The following PDGFRL variants were observed in gnomAD, a reference collection of about 807,000 sequenced individuals.
The protein encoded by PDGFRL is platelet derived growth factor receptor like, also known as platelet-derived growth factor receptor-like protein.
Under a neutral mutation model 37.2 loss-of-function variants are expected in PDGFRL, and 46 were observed. The ratio of observed to expected loss-of-function variants is 1.24; its 90% CI spans 0.98 to 1.58. The LOEUF (loss-of-function observed/expected upper bound fraction) is 1.58. Among genes scored for constraint, PDGFRL ranks in the 40% most tolerant of loss-of-function variants. PDGFRL has a pLI of 0.00. For synonymous variants in PDGFRL, 251 were observed against 184.3 expected, an observed-to-expected ratio of 1.36 and a Z score of -2.93; for missense variants, 692 against 467.6, an observed-to-expected ratio of 1.48 and a Z score of -4.43.
rs138467783 is a variant in PDGFRL at position 17,597,071 on chromosome 8, C to T, written c.353+7306C>T. On this transcript the variant is annotated intron_variant, in intron 2 of 5. Coordinates refer to ENST00000251630, the MANE Select transcript of PDGFRL (RefSeq NM_001372073.1). The stretch of plus-strand genomic sequence containing the variant: ...AGTCTTGCTCTGTCGCCTAGGTTGG[C>T]GTGCAGTGGCACGATCTCAGCTCAC... 7.6e-3 allele frequency among the ~76,000 whole-genome samples: 1,163 copies of T among 152,188 alleles called. 19 individuals carry two copies. Among genetic ancestry groups the T allele is most frequent in the African/African-American group, 0.027 (1,104 of 41,518 alleles).
chr8:17,636,036 G>A (rs1804964295), intron 5 of PDGFRL, among the ~76,000 whole-genome samples: 1 of 152,158 alleles, frequency 6.6e-6, no homozygotes, highest in South Asian at 2.1e-4. Flanking sequence ...CAGATGTATG[G>A]ATTGCAAAAA....
intron 5 of PDGFRL, 34 bp downstream of exon 5, chr8:17,634,247 C>A: frequency 6.4e-7 from 1 of 1,555,166 alleles, no homozygotes; most frequent in Non-Finnish European, 8.8e-7. Flanking sequence ...GCCCCTGCGT[C>A]TCAGCCTCTG....
At chr8:17,595,172 A>G (rs78540278) in intron 2 of PDGFRL, among the ~76,000 whole-genome samples, 4 of 152,120 alleles carry the variant, frequency 2.6e-5, no homozygotes, top group Non-Finnish European at 5.9e-5. Context: ...AAGGCCCCCC[A>G]TTAAGGGACT....
At chr8:17,606,603 G>C (rs118053377) in intron 2 of PDGFRL, among the ~76,000 whole-genome samples, 2,522 of 152,312 alleles carry the variant, frequency 0.017, 31 homozygotes, top group Non-Finnish European at 0.028. Flanking sequence ...CCCAGAGATG[G>C]GTGGGTGGAG....
chr8:17,577,215 C>A, upstream of PDGFRL: 1 of 1,600,780 alleles, frequency 6.2e-7, no homozygotes. Context: ...CCCGCGCAGC[C>A]GCCGCGCTCC....
At chr8:17,599,378 C>T (rs569533759) in intron 2 of PDGFRL, among the ~76,000 whole-genome samples, 1 of 152,302 alleles carries the variant, frequency 6.6e-6, no homozygotes, top group East Asian at 1.9e-4. Flanking sequence ...TCCCACATAT[C>T]GGTGAGAACT....
intron 3 of PDGFRL, among the ~76,000 whole-genome samples, chr8:17,626,664 T>A (rs1489998995): frequency 6.6e-6 from 1 of 152,154 alleles, no homozygotes; most frequent in African/African-American, 2.4e-5. Context: ...GCTCTGAAGA[T>A]TTCTCTTTGC....
intron 1 of PDGFRL, among the ~76,000 whole-genome samples, chr8:17,579,831 G>A (rs907495539): frequency 2.6e-5 from 4 of 151,970 alleles, no homozygotes; most frequent in Middle Eastern, 3.2e-3. Flanking sequence ...ATGGGGAGCT[G>A]GAAAGGCACA....
intron 1 of PDGFRL, among the ~76,000 whole-genome samples, chr8:17,581,336 C>A (rs371392603): frequency 6.6e-6 from 1 of 152,068 alleles, no homozygotes; most frequent in African/African-American, 2.4e-5. Flanking sequence ...GGCTGTGATG[C>A]GTGGGACGGG....
chr8:17,605,456 A>G (rs953519000), intron 2 of PDGFRL, among the ~76,000 whole-genome samples: 1 of 152,218 alleles, frequency 6.6e-6, no homozygotes, highest in South Asian at 2.1e-4. Flanking sequence ...TGGGAGATCA[A>G]CGTGACCCAT....
At chr8:17,583,355 C>G (rs1803748863) in intron 1 of PDGFRL, among the ~76,000 whole-genome samples, 1 of 152,166 alleles carries the variant, frequency 6.6e-6, no homozygotes, top group Non-Finnish European at 1.5e-5. Flanking sequence ...GTCAGATCAG[C>G]CATGTGGGCT....
chr8:17,628,799 G>C lies in PDGFRL; in HGVS notation c.799+19G>C. On this transcript the variant is annotated intron_variant, in intron 4 of 5. Coordinates refer to ENST00000251630, the MANE Select transcript of PDGFRL (RefSeq NM_001372073.1). ...GTGGCGGGTAAGCCTGGCCACCCCTGCCTAGATTCTAGTTAGTCCCCTGGT... is the reference window on the plus strand; with the variant it reads ...GTGGCGGGTAAGCCTGGCCACCCCTCCCTAGATTCTAGTTAGTCCCCTGGT... 1 of 1,588,188 alleles carries C rather than the reference G, an allele frequency of 6.3e-7. No individual in the cohort carries two copies. The highest frequency in any genetic ancestry group is 1.1e-5 in the South Asian group (1 of 90,178).
intron 2 of PDGFRL, among the ~76,000 whole-genome samples, chr8:17,612,408 G>T (rs764164760): frequency 1.1e-4 from 17 of 151,434 alleles, no homozygotes; most frequent in Non-Finnish European, 2.2e-4. Context: ...GTCTCACTCT[G>T]TTGCCCAGGC....
At position 17,642,578 on chromosome 8, in the gene PDGFRL, C is replaced by A. The variant is rs200579689; in HGVS notation, c.940-35C>A. ...GGGAGCTCTTTATAGCAGCTTGTCC[C>A]TCTTGCTTCAGTCTTTGTGGGTGTC... On this transcript the variant is annotated intron_variant, in intron 5 of 5. Transcript: ENST00000251630. 4.4e-6 allele frequency: 6 copies of A among 1,373,742 alleles called. No individual in the cohort carries two copies. In the African/African-American group the frequency reaches 8.5e-5, roughly 19 times the overall value. 85.1% of individuals were successfully genotyped at this position (1,373,742 alleles called of 1,614,324 possible).
At chr8:17,625,084 C>T (rs972237881) in intron 3 of PDGFRL, among the ~76,000 whole-genome samples, 2 of 151,470 alleles carry the variant, frequency 1.3e-5, no homozygotes, top group African/African-American at 2.4e-5. Flanking sequence ...TGGTGTGCTG[C>T]ACCCATTAAC....
intron 1 of PDGFRL, 30 bp from the exon 2 acceptor site, chr8:17,589,438 A>T (rs773013062): frequency 6.5e-7 from 1 of 1,540,254 alleles, no homozygotes; most frequent in South Asian, 1.2e-5. Context: ...TCATTACTAC[A>T]GCGCATTTCT....
chr8:17,634,771 G>T (rs1417954285), intron 5 of PDGFRL, among the ~76,000 whole-genome samples: 2 of 152,008 alleles, frequency 1.3e-5, no homozygotes, highest in Admixed American at 6.6e-5. Flanking sequence ...TAAATGATTA[G>T]ACTACATGGA....
Position 17,577,320 on chromosome 8 carries a change from G to A in PDGFRL, c.55+13G>A, listed in dbSNP as rs755011905. On this transcript the variant is annotated intron_variant, in intron 1 of 5. Coordinates refer to ENST00000251630, the MANE Select transcript of PDGFRL (RefSeq NM_001372073.1). ...GCGCTGGAGGATGGTGAGTGACTCTGGGCGCGGGGCCACCTAGCTTGTGCC... is the reference window on the plus strand; with the variant it reads ...GCGCTGGAGGATGGTGAGTGACTCTAGGCGCGGGGCCACCTAGCTTGTGCC... 1.2e-6 allele frequency: 2 copies of A among 1,608,842 alleles called. No individual in the cohort carries two copies. The highest frequency in any genetic ancestry group is 1.7e-6 in the Non-Finnish European group (2 of 1,176,804).
intron 2 of PDGFRL, among the ~76,000 whole-genome samples, chr8:17,617,694 G>A (rs1180869752): frequency 2.6e-5 from 4 of 152,196 alleles, no homozygotes; most frequent in Non-Finnish European, 5.9e-5. Context: ...CTGTTTTCCA[G>A]TGCGTTTCCT....
Sources: allele counts gnomAD v4.1 joint callset (sites outside exome capture counted in the v4.1 genomes callset), GRCh38; gene constraint gnomAD v4.1.1; transcripts MANE v1.5; gene names NCBI Gene and HGNC (gene_info 2026-07-23, HGNC 2026-07-21).